Variants in FTO observed in about 807,000 individuals in gnomAD.
The protein encoded by FTO is alpha-ketoglutarate-dependent dioxygenase FTO.
In FTO, 47 loss-of-function variants were observed where a neutral mutation model predicts 63.9. The ratio of observed to expected loss-of-function variants is 0.74; its 90% CI spans 0.58 to 0.94. The LOEUF (loss-of-function observed/expected upper bound fraction) is 0.94. Among genes scored for constraint, FTO ranks in the 40% least tolerant of loss-of-function variants. The probability of loss-of-function intolerance (pLI) is 0.00; values close to 1 mark genes in which losing one functional copy is unlikely to be tolerated. For missense variants in FTO, 562 were observed against 618.1 expected (o/e 0.91, Z 0.96); for synonymous variants, 207 against 224.4 (o/e 0.92, Z 0.69).
At chr16:53,994,800 C>G (rs2083897731) in intron 8 of FTO, among the ~76,000 whole-genome samples, 1 of 151,868 alleles carries the variant, frequency 6.6e-6, no homozygotes. Flanking sequence ...GTGGTGCAAT[C>G]TCTGCTCACA....
chr16:53,760,557 G>T (rs17525605), intron 1 of FTO, among the ~76,000 whole-genome samples: 1 of 149,968 alleles, frequency 6.7e-6, no homozygotes, highest in Non-Finnish European at 1.5e-5. Context: ...TAGGATTCAG[G>T]TTTTGCTGTT....
At position 53,825,987 on chromosome 16, in the gene FTO, G is replaced by T. The variant is rs773635184; in HGVS notation, c.247G>T (p.Val83Phe). The change falls in exon 3 of 9, where the codon GTT (valine) becomes TTT (phenylalanine). Residue 83 changes from valine to phenylalanine, a missense_variant. Physicochemically the swap from Val to Phe is conservative, Grantham distance 50. Coordinates refer to ENST00000471389, the MANE Select transcript of FTO (RefSeq NM_001080432.3). Reference protein sequence around the residue: ...HKHGCLFRDLVRIQGKDLLTP... With the variant: ...HKHGCLFRDLFRIQGKDLLTP... The stretch of plus-strand genomic sequence containing the variant: ...GCATGGCTGCTTATTTCGGGACCTG[G>T]TTAGGATCCAAGGCAAAGATCTGCT... The T allele has an allele frequency of 6.2e-7, 1 of 1,614,128 alleles. No individual in the cohort carries two copies. The highest frequency in any genetic ancestry group is 1.7e-5 in the Admixed American group (1 of 60,008).
chr16:54,013,501 G>C (rs1162063712), intron 8 of FTO: 1 of 152,214 alleles, frequency 6.6e-6, no homozygotes, highest in Non-Finnish European at 1.5e-5. Context: ...AATTTTGCAA[G>C]AAGTAAAATT....
At chr16:53,761,751 CCCA>C (rs1346089228) in intron 1 of FTO, among the ~76,000 whole-genome samples, 1 of 135,160 alleles carries the variant, frequency 7.4e-6, no homozygotes, top group Non-Finnish European at 1.5e-5. Context: ...GTGCTTTTCA[CCCA>C]ACTAGATTAT....
At chr16:53,746,281 G>T (rs563875304) in intron 1 of FTO, among the ~76,000 whole-genome samples, 27 of 152,260 alleles carry the variant, frequency 1.8e-4, no homozygotes, top group African/African-American at 6.3e-4. Context: ...AGTGACTTTG[G>T]GGGCCTTGTG....
chr16:53,912,588 C>T (rs2081739979), intron 7 of FTO, among the ~76,000 whole-genome samples: 1 of 152,090 alleles, frequency 6.6e-6, no homozygotes, highest in African/African-American at 2.4e-5. Context: ...TCCCACTCGC[C>T]GTAGAATCAT....
chr16:53,765,115 G>T lies in FTO; in HGVS notation c.46-45025G>T, dbSNP rs189792544. Among the ~76,000 whole-genome samples the T allele has an allele frequency of 1.4e-4, 22 of 152,270 alleles. No homozygotes were observed. The East Asian group carries it at 4.1e-3, about 28-fold the overall frequency. ...GATGGGTACCAATATGAGATTTCCA[G>T]TTGCTTCCCGCATGTTCATTTTGCA... On this transcript the variant is annotated intron_variant, in intron 1 of 8. Transcript: ENST00000471389.
At chr16:54,106,875 T>A (rs2086767433) in intron 8 of FTO, among the ~76,000 whole-genome samples, 1 of 138,996 alleles carries the variant, frequency 7.2e-6, no homozygotes, top group South Asian at 2.2e-4. Flanking sequence ...AATAATATAA[T>A]AAATATATTA....
intron 7 of FTO, among the ~76,000 whole-genome samples, chr16:53,917,606 G>GT (rs145285963): frequency 0.073 from 11,023 of 150,536 alleles, 526 homozygotes; most frequent in Non-Finnish European, 0.11. Flanking sequence ...ATTGTGATGG[G>GT]TTTTTTTTTC....
At chr16:53,879,766 T>C (rs143719235) in intron 5 of FTO, 78 bp from the exon 6 acceptor site, 17,642 of 1,514,076 alleles carry the variant, frequency 0.012, 171 homozygotes, top group Admixed American at 0.039. Context: ...CAGGGACAAA[T>C]ATGAACAATC....
chr16:54,007,947 C>T (rs1346079424), intron 8 of FTO, among the ~76,000 whole-genome samples: 1 of 152,206 alleles, frequency 6.6e-6, no homozygotes, highest in Non-Finnish European at 1.5e-5. Context: ...CATCTGATTA[C>T]TTTATTGTCA....
chr16:53,810,238 TA>T, intron 2 of FTO, 21 bp downstream of exon 2: 1 of 1,525,944 alleles, frequency 6.6e-7, no homozygotes, highest in Non-Finnish European at 9.1e-7. Flanking sequence ...TTAATATTTT[TA>T]TCAGTTTCAG....
intron 1 of FTO, among the ~76,000 whole-genome samples, chr16:53,768,744 T>G (rs1214844384): frequency 6.6e-6 from 1 of 152,158 alleles, no homozygotes; most frequent in African/African-American, 2.4e-5. Context: ...TGCTGCTTTT[T>G]TATGATCTCA....
At chr16:53,844,980 C>A (rs1225662983) in intron 4 of FTO, among the ~76,000 whole-genome samples, 1 of 151,450 alleles carries the variant, frequency 6.6e-6, no homozygotes. Context: ...GACAATGGGG[C>A]CTTTCTCTCG....
At chr16:53,980,802 A>G (rs1214806179) in intron 8 of FTO, among the ~76,000 whole-genome samples, 1 of 152,062 alleles carries the variant, frequency 6.6e-6, no homozygotes, top group East Asian at 1.9e-4. Flanking sequence ...AAAATACGAC[A>G]GCCTTATTTT....
At chr16:54,101,064 T>C (rs549787230) in intron 8 of FTO, among the ~76,000 whole-genome samples, 6 of 152,228 alleles carry the variant, frequency 3.9e-5, no homozygotes, top group South Asian at 2.1e-4. Flanking sequence ...TCTGAGCACT[T>C]TTACCCTCAC....
chr16:53,705,604 CT>C (rs1463854569), intron 1 of FTO, among the ~76,000 whole-genome samples: 1 of 152,200 alleles, frequency 6.6e-6, no homozygotes, highest in Non-Finnish European at 1.5e-5. Context: ...AATATAAAAT[CT>C]GCTCTATATT....
At chr16:53,738,426 C>T (rs1478411223) in intron 1 of FTO, among the ~76,000 whole-genome samples, 5 of 152,140 alleles carry the variant, frequency 3.3e-5, no homozygotes, top group Non-Finnish European at 4.4e-5. Flanking sequence ...ACAGGCAATA[C>T]TTTATTTATT....
chr16:53,724,311 G>A (rs529259672), intron 1 of FTO, among the ~76,000 whole-genome samples: 8 of 152,304 alleles, frequency 5.3e-5, no homozygotes, highest in African/African-American at 1.7e-4. Context: ...TTTCCCCAGG[G>A]TCACTTAAGG....
Sources: allele counts gnomAD v4.1 joint callset (sites outside exome capture counted in the v4.1 genomes callset), GRCh38; gene constraint gnomAD v4.1.1; transcripts MANE v1.5; gene names NCBI Gene and HGNC (gene_info 2026-07-23, HGNC 2026-07-21).